Variants in PTPRT observed in about 807,000 individuals in gnomAD.
The protein encoded by PTPRT is protein tyrosine phosphatase receptor type T.
In PTPRT, 56 loss-of-function variants were observed where a neutral mutation model predicts 176.8. The observed-to-expected ratio is 0.32, with a 90% CI of 0.26 to 0.40. The LOEUF is 0.40. Among genes scored for constraint, PTPRT ranks in the 10% least tolerant of loss-of-function variants. PTPRT has a pLI of 1.00. For synonymous variants in PTPRT, 783 were observed against 739.0 expected, an observed-to-expected ratio of 1.06 and a Z score of -0.96; for missense variants, 1,540 against 1,908.2, an observed-to-expected ratio of 0.81 and a Z score of 3.60.
At chr20:42,531,957 C>T (rs2072392016) in intron 7 of PTPRT, among the ~76,000 whole-genome samples, 1 of 152,180 alleles carries the variant, frequency 6.6e-6, no homozygotes, top group Non-Finnish European at 1.5e-5. Flanking sequence ...GGAAGATGAG[C>T]GTGCCCTCAT....
intron 16 of PTPRT, among the ~76,000 whole-genome samples, chr20:42,165,748 T>A (rs1017632749): frequency 6.6e-6 from 1 of 152,240 alleles, no homozygotes; most frequent in Non-Finnish European, 1.5e-5. Context: ...GGCTTATGTC[T>A]ACTATATTGG....
intron 7 of PTPRT, among the ~76,000 whole-genome samples, chr20:42,574,677 G>T (rs1298783577): frequency 6.6e-6 from 1 of 152,108 alleles, no homozygotes; most frequent in Non-Finnish European, 1.5e-5. Context: ...AAGCTGGGGT[G>T]GGGGTAGGGG....
At chr20:42,860,483 T>C (rs902104327) in intron 2 of PTPRT, among the ~76,000 whole-genome samples, 4 of 152,228 alleles carry the variant, frequency 2.6e-5, no homozygotes, top group African/African-American at 4.8e-5. Flanking sequence ...ATATTTTAAA[T>C]TGACAGCTTT....
intron 15 of PTPRT, among the ~76,000 whole-genome samples, chr20:42,201,975 G>GTGTGTGTGTGTGTGTA (rs1380398908): frequency 0.018 from 2,657 of 151,226 alleles, 67 homozygotes; most frequent in African/African-American, 0.062. Context: ...GTGTGTGTGT[G>GTGTGTGTGTGTGTGTA]TGTATGTATG....
At chr20:42,657,121 C>T (rs922150115) in intron 7 of PTPRT, among the ~76,000 whole-genome samples, 3 of 152,040 alleles carry the variant, frequency 2.0e-5, no homozygotes, top group Non-Finnish European at 4.4e-5. Flanking sequence ...AAGGGTTTTC[C>T]CCCTTTGCTC....
At chr20:42,330,637 A>G (rs1225994758) in intron 11 of PTPRT, among the ~76,000 whole-genome samples, 1 of 151,240 alleles carries the variant, frequency 6.6e-6, no homozygotes, top group Non-Finnish European at 1.5e-5. Flanking sequence ...CTTTGGAAGG[A>G]TCAAGTTTGA....
intron 1 of PTPRT, among the ~76,000 whole-genome samples, chr20:42,902,900 G>T (rs551545865): frequency 6.6e-6 from 1 of 152,260 alleles, no homozygotes; most frequent in Admixed American, 6.5e-5. Flanking sequence ...ATTCATTAAT[G>T]CTAGATCAAG....
chr20:42,785,170 C>T (rs1049859726), intron 3 of PTPRT, among the ~76,000 whole-genome samples: 1 of 152,124 alleles, frequency 6.6e-6, no homozygotes, highest in Non-Finnish European at 1.5e-5. Flanking sequence ...AACAAACAAG[C>T]CCCTGCTTTC....
chr20:43,018,807 C>T (rs910540548), intron 1 of PTPRT, among the ~76,000 whole-genome samples: 3 of 152,076 alleles, frequency 2.0e-5, no homozygotes, highest in Non-Finnish European at 2.9e-5. Flanking sequence ...CTTTTTTTCA[C>T]ATTTGAAGTT....
chr20:42,514,167 T>C (rs1459774312), intron 7 of PTPRT, among the ~76,000 whole-genome samples: 1 of 152,238 alleles, frequency 6.6e-6, no homozygotes. Context: ...GGCTAAAATA[T>C]ACGATATATT....
At position 42,633,905 on chromosome 20, in the gene PTPRT, A is replaced by ATT. The variant is rs2074485331; in HGVS notation, c.1153+43960_1153+43961insAA. Among the ~76,000 whole-genome samples, 4 of 74,480 alleles carry ATT rather than the reference A, an allele frequency of 5.4e-5. No individual in the cohort carries two copies. In the South Asian group the frequency reaches 9.7e-4, roughly 18 times the overall value. The allele number at this position is 74,480 out of a possible 152,430, so 48.9% of individuals were successfully genotyped here. A position where few individuals can be genotyped will look rare whatever the true frequency, so the allele number is the denominator to read the frequency against. On this transcript the variant is annotated intron_variant, in intron 7 of 30. Coordinates refer to ENST00000373187, the MANE Select transcript of PTPRT (RefSeq NM_007050.6). ...ATAATATAATTATTATATATAATAT[A>ATT]ATATATAATTATATATAATATATTA... is the stretch of plus-strand genomic sequence containing the variant.
intron 11 of PTPRT, among the ~76,000 whole-genome samples, chr20:42,323,676 G>C (rs911652150): frequency 6.6e-6 from 1 of 151,954 alleles, no homozygotes; most frequent in Non-Finnish European, 1.5e-5. Context: ...ACGAGTTAAT[G>C]GGTACAGCAC....
chr20:43,140,238 T>C (rs1277546813), intron 1 of PTPRT, among the ~76,000 whole-genome samples: 1 of 152,212 alleles, frequency 6.6e-6, no homozygotes, highest in Non-Finnish European at 1.5e-5. Context: ...CATTAATGCT[T>C]AGAGAACTGG....
At chr20:42,403,277 C>A (rs1030049356) in intron 9 of PTPRT, among the ~76,000 whole-genome samples, 6 of 152,120 alleles carry the variant, frequency 3.9e-5, no homozygotes, top group Admixed American at 1.3e-4. Context: ...TATGCAAATA[C>A]CATCATTTAC....
intron 7 of PTPRT, among the ~76,000 whole-genome samples, chr20:42,517,946 A>C (rs140273832): frequency 6.3e-4 from 96 of 152,142 alleles, no homozygotes; most frequent in African/African-American, 2.3e-3. Flanking sequence ...GTCATTGAAC[A>C]CTTTGAAATT....
At chr20:42,802,477 A>G (rs2077544955) in intron 2 of PTPRT, among the ~76,000 whole-genome samples, 1 of 152,262 alleles carries the variant, frequency 6.6e-6, no homozygotes, top group African/African-American at 2.4e-5. Flanking sequence ...GAATATAATT[A>G]GACACTTATT....
intron 7 of PTPRT, among the ~76,000 whole-genome samples, chr20:42,528,953 A>C (rs912265207): frequency 6.6e-6 from 1 of 152,216 alleles, no homozygotes; most frequent in Non-Finnish European, 1.5e-5. Flanking sequence ...CTTTTTGTTC[A>C]TACAACTCGC....
intron 1 of PTPRT, among the ~76,000 whole-genome samples, chr20:43,094,598 A>G (rs1402665709): frequency 6.7e-6 from 1 of 149,094 alleles, no homozygotes; most frequent in African/African-American, 2.5e-5. Flanking sequence ...AGGTTTCTCC[A>G]TGTTGGTCAG....
At chr20:42,071,112 T>G (rs902181448), downstream of PTPRT, among the ~76,000 whole-genome samples, 2 of 152,078 alleles carry the variant, frequency 1.3e-5, no homozygotes, top group African/African-American at 4.8e-5. Flanking sequence ...TAGTGAGCCA[T>G]GTATCTAGGT....
Sources: gnomAD v4.1 joint callset for allele counts (sites outside exome capture counted in the v4.1 genomes callset) on GRCh38, gnomAD v4.1.1 for gene constraint, MANE v1.5 for transcripts, NCBI Gene and HGNC (gene_info 2026-07-23, HGNC 2026-07-21) for gene names.